The following NEK10 variants were observed in gnomAD, a reference collection of about 807,000 sequenced individuals.
The protein encoded by NEK10 is NIMA related kinase 10, also known as serine/threonine-protein kinase Nek10.
NEK10 carries 122 observed loss-of-function variants against 159.8 expected under a neutral mutation model. The ratio of observed to expected loss-of-function variants is 0.76; its 90% CI spans 0.66 to 0.89. The LOEUF is 0.89. Among genes scored for constraint, NEK10 ranks in the 40% least tolerant of loss-of-function variants. The pLI is 0.00. For synonymous variants in NEK10, 466 were observed against 457.1 expected, an observed-to-expected ratio of 1.02 and a Z score of -0.25; for missense variants, 1,342 against 1,323.1, an observed-to-expected ratio of 1.01 and a Z score of -0.22.
intron 19 of NEK10, among the ~76,000 whole-genome samples, chr3:27,288,094 G>A (rs2042746602): frequency 6.6e-6 from 1 of 152,156 alleles, no homozygotes; most frequent in South Asian, 2.1e-4. Context: ...CTGTATAAAG[G>A]AGAAAAGTGA....
intron 23 of NEK10, among the ~76,000 whole-genome samples, chr3:27,250,192 T>C (rs969925377): frequency 1.4e-5 from 2 of 139,080 alleles, no homozygotes; most frequent in African/African-American, 5.5e-5. Context: ...GTATTTACTA[T>C]TTTTTTTTTT....
chr3:27,238,318 A>T (rs575352628), intron 23 of NEK10, among the ~76,000 whole-genome samples: 32 of 152,314 alleles, frequency 2.1e-4, no homozygotes, highest in African/African-American at 7.2e-4. Context: ...GTGTTCACAT[A>T]GAAAGGAATT....
intron 5 of NEK10, among the ~76,000 whole-genome samples, chr3:27,335,304 C>G (rs2046719343): frequency 6.6e-6 from 1 of 150,646 alleles, no homozygotes; most frequent in Non-Finnish European, 1.5e-5. Flanking sequence ...TGCACCATTG[C>G]ACTCCAGCCT....
chr3:27,248,598 T>C (rs1955336320), intron 23 of NEK10, among the ~76,000 whole-genome samples: 1 of 152,232 alleles, frequency 6.6e-6, no homozygotes, highest in Non-Finnish European at 1.5e-5. Context: ...AATTTACTTA[T>C]TTATTCATTG....
chr3:27,120,541 GCTGGT>G (rs1941156399), intron 32 of NEK10, among the ~76,000 whole-genome samples: 1 of 151,704 alleles, frequency 6.6e-6, no homozygotes, highest in Non-Finnish European at 1.5e-5. Context: ...TGTTGGCCAG[GCTGGT>G]CTCGAACTCC....
intron 26 of NEK10, among the ~76,000 whole-genome samples, chr3:27,190,721 A>G (rs1949031870): frequency 6.6e-6 from 1 of 152,206 alleles, no homozygotes; most frequent in Non-Finnish European, 1.5e-5. Flanking sequence ...AATACCTAAG[A>G]TATATAGAAA....
At chr3:27,317,367 G>T (rs2045281088) in intron 6 of NEK10, among the ~76,000 whole-genome samples, 1 of 152,158 alleles carries the variant, frequency 6.6e-6, no homozygotes, top group Non-Finnish European at 1.5e-5. Flanking sequence ...CGCCCTGTGT[G>T]CCCTTTTAGC....
Position 27,191,875 on chromosome 3 carries a change from A to G in NEK10, c.2505+154T>C, listed in dbSNP as rs976128863. 4.1e-4 allele frequency among the ~76,000 whole-genome samples: 62 copies of G among 152,258 alleles called. 1 individual carries two copies. The highest frequency in any genetic ancestry group is 5.9e-5 in the Non-Finnish European group (4 of 68,056). ...ATATTTATTTTAATTTGTATATAAG[A>G]TACAGAAATGGATATAAATATGTAA... On this transcript the variant is annotated intron_variant, in intron 26 of 35. Transcript: ENST00000691995.
At chr3:27,150,663 T>C (rs1287023418) in intron 30 of NEK10, among the ~76,000 whole-genome samples, 1 of 152,246 alleles carries the variant, frequency 6.6e-6, no homozygotes, top group Non-Finnish European at 1.5e-5. Flanking sequence ...TACAGGATAT[T>C]AATGTTGTTT....
intron 31 of NEK10, among the ~76,000 whole-genome samples, chr3:27,132,513 T>G (rs1942740768): frequency 6.6e-6 from 1 of 152,184 alleles, no homozygotes; most frequent in Non-Finnish European, 1.5e-5. Context: ...TACCAATCAT[T>G]CCAGAAGAAA....
chr3:27,364,559 C>A (rs934736470), intron 1 of NEK10, among the ~76,000 whole-genome samples: 1 of 152,136 alleles, frequency 6.6e-6, no homozygotes, highest in Non-Finnish European at 1.5e-5. Flanking sequence ...TGTCTATATT[C>A]ATTGACTTTG....
In NEK10 at chr3:27,171,863, C is replaced by T. The variant is rs776859439; in HGVS notation, c.2787G>A (p.Lys929=). 1.9e-6 allele frequency: 3 copies of T among 1,613,346 alleles called. No individual in the cohort carries two copies. Among genetic ancestry groups the T allele is most frequent in the Non-Finnish European group, 1.7e-6 (2 of 1,179,638 alleles). Residue 929 remains lysine, a synonymous_variant, in exon 29 of 36, where the codon AAG becomes AAA. Transcript: ENST00000691995. ...CTCCTCCTGAAGCACTAAAACTTCT[C>T]TTTAAAATGTCTGAGACGAGAAAAT... ...PLKESTFNIL[K]RSFSASGGER... is the part of the protein sequence containing the mutation.
intron 30 of NEK10, among the ~76,000 whole-genome samples, chr3:27,146,473 A>G (rs1438141619): frequency 6.6e-6 from 1 of 152,226 alleles, no homozygotes; most frequent in African/African-American, 2.4e-5. Flanking sequence ...AGCAAAAAAT[A>G]TATTGTTTTC....
chr3:27,365,915 T>C (rs1486498906), intron 1 of NEK10, among the ~76,000 whole-genome samples: 1 of 152,108 alleles, frequency 6.6e-6, no homozygotes, highest in African/African-American at 2.4e-5. Context: ...TTTTAAATCA[T>C]GATACATATC....
Position 27,171,747 on chromosome 3 carries a change from T to G in NEK10, c.2831+72A>C, listed in dbSNP as rs1267062548. On this transcript the variant is annotated intron_variant, in intron 29 of 35. Transcript: ENST00000691995. ...ACATGGAAACTTCTGGCTATCAGGT[T>G]TCAATTCAGCTGAGTTATTACTCAG... 2.6e-6 allele frequency: 4 copies of G among 1,518,516 alleles called. No individual in the cohort carries two copies. The African/African-American group carries it at 4.2e-5, about 16-fold the overall frequency. The allele number at this position is 1,518,516 out of a possible 1,614,324, so 94.1% of individuals were successfully genotyped here.
intron 1 of NEK10, among the ~76,000 whole-genome samples, chr3:27,354,963 C>G (rs2149838174): frequency 6.6e-6 from 1 of 152,296 alleles, no homozygotes; most frequent in East Asian, 1.9e-4. Context: ...CATACAGAAT[C>G]TAGCTGTTAA....
At chr3:27,181,437 T>C (rs545671831) in intron 26 of NEK10, among the ~76,000 whole-genome samples, 2 of 152,060 alleles carry the variant, frequency 1.3e-5, no homozygotes, top group Non-Finnish European at 2.9e-5. Flanking sequence ...CATCTTCACA[T>C]TGGGTAGGCT....
intron 5 of NEK10, among the ~76,000 whole-genome samples, chr3:27,342,825 G>A (rs1425320505): frequency 6.7e-6 from 1 of 148,832 alleles, no homozygotes; most frequent in South Asian, 2.1e-4. Flanking sequence ...AAAAAAAAAA[G>A]AACTTTATTT....
At chr3:27,119,679 GA>G in intron 33 of NEK10, 80 bp downstream of exon 33, 1 of 1,090,516 alleles carries the variant, frequency 9.2e-7, no homozygotes, top group Non-Finnish European at 1.4e-6. Context: ...AAAAATTGGA[GA>G]TAATCTTTTA....
Sources: allele counts gnomAD v4.1 joint callset (sites outside exome capture counted in the v4.1 genomes callset), GRCh38; gene constraint gnomAD v4.1.1; transcripts MANE v1.5; gene names NCBI Gene and HGNC (gene_info 2026-07-23, HGNC 2026-07-21).